FMN2: variants seen among roughly 807,000 people sequenced by gnomAD.
FMN2 encodes formin 2.
FMN2 carries 51 observed loss-of-function variants against 142.3 expected under a neutral mutation model. The ratio of observed to expected loss-of-function variants is 0.36; its 90% CI spans 0.29 to 0.45. The LOEUF (loss-of-function observed/expected upper bound fraction) is 0.45, where lower values mean the gene tolerates loss of function less well. Among genes scored for constraint, FMN2 ranks in the 20% least tolerant of loss-of-function variants. The pLI, the probability that FMN2 is intolerant of heterozygous loss-of-function variation, is 1.00. For missense variants in FMN2, 1,936 were observed against 2,122.8 expected (o/e 0.91, Z 1.73); for synonymous variants, 882 against 869.8 (o/e 1.01, Z -0.25).
intron 8 of FMN2, among the ~76,000 whole-genome samples, chr1:240,304,834 G>A (rs1027387192): frequency 2.6e-5 from 4 of 152,342 alleles, no homozygotes; most frequent in African/African-American, 2.4e-5. Context: ...CCACAGGGCC[G>A]GGAGTGGGGG....
intron 1 of FMN2, among the ~76,000 whole-genome samples, chr1:240,117,822 A>G (rs910650797): frequency 6.6e-6 from 1 of 152,248 alleles, no homozygotes; most frequent in Non-Finnish European, 1.5e-5. Flanking sequence ...AACACACAGC[A>G]GGGACTGCTG....
intron 2 of FMN2, chr1:240,170,790 T>C: frequency 9.5e-7 from 1 of 1,054,182 alleles, no homozygotes; most frequent in South Asian, 1.3e-5. Flanking sequence ...GATTGACAGT[T>C]ATCGTGGGCG....
At chr1:240,143,721 A>G (rs531070112) in intron 2 of FMN2, 63 of 1,563,286 alleles carry the variant, frequency 4.0e-5, no homozygotes, top group Non-Finnish European at 5.2e-5. Context: ...GCCAACGAGC[A>G]TAAGAGTCCT....
chr1:240,422,821 A>C (rs1401987391), intron 15 of FMN2, among the ~76,000 whole-genome samples: 1 of 152,202 alleles, frequency 6.6e-6, no homozygotes, highest in Non-Finnish European at 1.5e-5. Context: ...TTTCTTAGTT[A>C]CTTGATCTTT....
intron 13 of FMN2, among the ~76,000 whole-genome samples, chr1:240,345,930 A>G (rs954517896): frequency 3.3e-5 from 5 of 152,222 alleles, no homozygotes; most frequent in African/African-American, 4.8e-5. Flanking sequence ...GATATTTTTC[A>G]ACAAAATAAT....
intron 15 of FMN2, among the ~76,000 whole-genome samples, chr1:240,392,866 G>A (rs1673650441): frequency 6.6e-6 from 1 of 152,104 alleles, no homozygotes; most frequent in African/African-American, 2.4e-5. Context: ...TTCAGAGTTT[G>A]GGTTATCAAA....
At chr1:240,103,022 A>AC (rs1216049144) in intron 1 of FMN2, among the ~76,000 whole-genome samples, 4 of 151,390 alleles carry the variant, frequency 2.6e-5, no homozygotes, top group Non-Finnish European at 5.9e-5. Flanking sequence ...ATGCCACCAC[A>AC]CCCGGCCGAT....
Position 240,356,028 on chromosome 1 carries a change from G to GGCTTATTT in FMN2, c.4858+121_4858+128dup. 1.1e-5 allele frequency: 7 copies of GGCTTATTT among 651,864 alleles called. 1 individual carries two copies. In the South Asian group the frequency reaches 1.6e-4, roughly 15 times the overall value. The allele number at this position is 651,864 out of a possible 1,614,324, so 40.4% of individuals were successfully genotyped here. ...TAAAAAATACATATTGCTTTAAAAG[G>GGCTTATTT]GCTTATTTTGACATTACAGAAAAAC... On this transcript the variant is annotated intron_variant, in intron 14 of 17. Coordinates refer to ENST00000319653, the MANE Select transcript of FMN2 (RefSeq NM_020066.5).
intron 14 of FMN2, among the ~76,000 whole-genome samples, chr1:240,383,822 C>G (rs1336565520): frequency 6.6e-6 from 1 of 151,386 alleles, no homozygotes; most frequent in Non-Finnish European, 1.5e-5. Flanking sequence ...TTCTCAGTGG[C>G]AAAGTCATGG....
At chr1:240,294,680 T>A in intron 7 of FMN2, 142 bp from the exon 8 acceptor site, 7 of 687,314 alleles carry the variant, frequency 1.0e-5, no homozygotes, top group Non-Finnish European at 1.8e-5. Context: ...GGTGCAGGCT[T>A]TGCAGTGGGG....
chr1:240,257,827 G>T, intron 6 of FMN2, 118 bp from the exon 7 acceptor site: 1 of 796,344 alleles, frequency 1.3e-6, no homozygotes, highest in South Asian at 1.6e-5. Flanking sequence ...GAATACTTTA[G>T]GTAATGACGT....
chr1:240,258,661 A>G (rs964655662), intron 7 of FMN2, among the ~76,000 whole-genome samples: 4 of 152,138 alleles, frequency 2.6e-5, no homozygotes, highest in Admixed American at 6.5e-5. Context: ...CATTTTATAA[A>G]TGGCTTTAGT....
At chr1:240,177,699 G>T (rs907601978) in intron 2 of FMN2, 1 of 326,056 alleles carries the variant, frequency 3.1e-6, no homozygotes, top group Non-Finnish European at 5.5e-6. Flanking sequence ...CTATAGAAAT[G>T]AAGTTGAGGC....
intron 16 of FMN2, among the ~76,000 whole-genome samples, chr1:240,468,227 TGTGTGTATTCACACACACACATATA>T (rs1676687571): frequency 1.7e-5 from 2 of 117,994 alleles, no homozygotes; most frequent in Non-Finnish European, 3.5e-5. Context: ...TGTGTGTGTG[TGTGTGTATTCACACACACACATATA>T]TACATATGCA....
intron 5 of FMN2, among the ~76,000 whole-genome samples, chr1:240,209,689 G>A (rs935755688): frequency 1.3e-5 from 2 of 150,710 alleles, no homozygotes; most frequent in African/African-American, 2.4e-5. Flanking sequence ...TGGATCACAA[G>A]GTCAGGAGAT....
intron 4 of FMN2, among the ~76,000 whole-genome samples, chr1:240,190,988 C>T (rs941059123): frequency 2.0e-5 from 3 of 152,074 alleles, no homozygotes; most frequent in African/African-American, 4.8e-5. Context: ...TTCTGTATCT[C>T]TAAATGCAGC....
intron 2 of FMN2, chr1:240,142,642 G>T: frequency 6.3e-7 from 1 of 1,585,570 alleles, no homozygotes; most frequent in South Asian, 1.1e-5. Flanking sequence ...TACATCAGCT[G>T]CAGTTCAGAG....
At chr1:240,178,204 A>G (rs1176372238) in intron 3 of FMN2, 136 bp downstream of exon 3, 1 of 1,010,904 alleles carries the variant, frequency 9.9e-7, no homozygotes, top group Admixed American at 3.7e-5. Context: ...AAAAGTTTTT[A>G]CTTTGGGGTC....
chr1:240,329,090 C>T lies in FMN2; in HGVS notation c.4230C>T (p.Asp1410=), dbSNP rs981181070. Residue 1410 remains aspartate, a synonymous_variant, in exon 9 of 18, where the codon GAC becomes GAT. Coordinates refer to ENST00000319653, the MANE Select transcript of FMN2 (RefSeq NM_020066.5). ...QALYENRAQS[D]ELEKIEKHGR... ...TGTTTTTCTAGAGAGCACAGTCAGA[C>T]GAACTCGAAAAAATAGAAAAGCATG... 28 of 1,613,860 alleles carry T rather than the reference C, an allele frequency of 1.7e-5. No homozygotes were observed. The highest frequency in any genetic ancestry group is 8.9e-5 in the East Asian group (4 of 44,844).
Sources: gnomAD v4.1 joint callset for allele counts (sites outside exome capture counted in the v4.1 genomes callset) on GRCh38, gnomAD v4.1.1 for gene constraint, MANE v1.5 for transcripts, NCBI Gene and HGNC (gene_info 2026-07-23, HGNC 2026-07-21) for gene names.